SEMA6A: variants seen among roughly 807,000 people sequenced by gnomAD.
SEMA6A encodes semaphorin 6A, also known as semaphorin-6A.
In SEMA6A, 25 loss-of-function variants were observed where a neutral mutation model predicts 96.8. The observed-to-expected ratio is 0.26, with a 90% CI of 0.19 to 0.36. The LOEUF (loss-of-function observed/expected upper bound fraction) is 0.36, where lower values mean the gene tolerates loss of function less well. SEMA6A is among the 10% of genes least tolerant of loss of function. SEMA6A has a pLI of 1.00. For synonymous variants in SEMA6A, 612 were observed against 518.0 expected, an observed-to-expected ratio of 1.18 and a Z score of -2.46; for missense variants, 1,363 against 1,323.1, an observed-to-expected ratio of 1.03 and a Z score of -0.47.
chr5:116,503,529 T>C (rs917079893), intron 2 of SEMA6A, among the ~76,000 whole-genome samples: 13 of 151,924 alleles, frequency 8.6e-5, no homozygotes, highest in African/African-American at 3.1e-4. Flanking sequence ...TTTTTTTTTT[T>C]TGAGACAGAG....
chr5:116,514,545 C>A lies in SEMA6A; in HGVS notation c.-38-9563G>T, dbSNP rs114201910. Reference sequence around the variant, plus strand: ...CGGACATCTGCTTCAGATGCAGAAACAAATGCCTCCTATAATTTGCTGTTA... The same window carrying A: ...CGGACATCTGCTTCAGATGCAGAAAAAAATGCCTCCTATAATTTGCTGTTA... On this transcript the variant is annotated intron_variant, in intron 1 of 18. Coordinates refer to ENST00000343348, the MANE Select transcript of SEMA6A (RefSeq NM_020796.5). Among the ~76,000 whole-genome samples, 724 of 152,204 alleles carry A rather than the reference C, an allele frequency of 4.8e-3. 6 individuals are homozygous for A. Among genetic ancestry groups the A allele is most frequent in the African/African-American group, 0.016 (674 of 41,514 alleles).
intron 1 of SEMA6A, among the ~76,000 whole-genome samples, chr5:116,526,329 A>G (rs1173321996): frequency 6.6e-6 from 1 of 152,064 alleles, no homozygotes; most frequent in African/African-American, 2.4e-5. Flanking sequence ...CCTGATTCCC[A>G]CTGACAACTA....
intron 18 of SEMA6A, among the ~76,000 whole-genome samples, chr5:116,464,448 G>A (rs1261267004): frequency 1.3e-5 from 2 of 152,222 alleles, no homozygotes; most frequent in East Asian, 3.9e-4. Flanking sequence ...GGCAAGGCCA[G>A]TTACTGAGAG....
intron 6 of SEMA6A, among the ~76,000 whole-genome samples, chr5:116,494,518 G>A (rs1176529268): frequency 2.6e-5 from 4 of 152,162 alleles, no homozygotes; most frequent in Non-Finnish European, 5.9e-5. Context: ...AAGACACGGG[G>A]TCATCCTCTG....
chr5:116,500,622 C>T (rs1287715426), intron 3 of SEMA6A, among the ~76,000 whole-genome samples: 1 of 151,830 alleles, frequency 6.6e-6, no homozygotes, highest in Non-Finnish European at 1.5e-5. Flanking sequence ...CTTTATGTTG[C>T]ACAGCTTATC....
At chr5:116,502,098 A>C in intron 3 of SEMA6A, 112 bp downstream of exon 3, 1 of 769,742 alleles carries the variant, frequency 1.3e-6, no homozygotes, top group South Asian at 1.8e-5. Flanking sequence ...TTTAAGTTAA[A>C]TAACACTCTA....
At chr5:116,521,392 C>T (rs1758941454) in intron 1 of SEMA6A, among the ~76,000 whole-genome samples, 1 of 152,204 alleles carries the variant, frequency 6.6e-6, no homozygotes, top group Admixed American at 6.5e-5. Context: ...CTGGGCCAGC[C>T]AGCTGGAGAG....
At chr5:116,507,890 C>G (rs1758223119) in intron 1 of SEMA6A, among the ~76,000 whole-genome samples, 1 of 152,108 alleles carries the variant, frequency 6.6e-6, no homozygotes, top group Non-Finnish European at 1.5e-5. Context: ...CTAATTTGCC[C>G]CAAACCCCCA....
intron 1 of SEMA6A, among the ~76,000 whole-genome samples, chr5:116,514,883 G>A (rs1758593256): frequency 6.6e-6 from 1 of 152,194 alleles, no homozygotes; most frequent in African/African-American, 2.4e-5. Context: ...CTATTCAGTG[G>A]ATGGGCCCCA....
At chr5:116,468,124 G>A (rs1755886247) in intron 17 of SEMA6A, 1 of 180,356 alleles carries the variant, frequency 5.5e-6, no homozygotes, top group Non-Finnish European at 1.2e-5. Context: ...AGGTGCTCAA[G>A]AAAGGCCAGT....
chr5:116,485,287 A>G (rs1324429974), intron 10 of SEMA6A, among the ~76,000 whole-genome samples: 2 of 152,134 alleles, frequency 1.3e-5, no homozygotes, highest in Admixed American at 1.3e-4. Flanking sequence ...ACAAGACAAA[A>G]CAAACAAAAC....
intron 1 of SEMA6A, chr5:116,562,538 G>T (rs1216494261): frequency 7.3e-6 from 4 of 547,262 alleles, no homozygotes; most frequent in Non-Finnish European, 1.4e-5. Context: ...TTTCCGGTGT[G>T]GAGTCTGGAG....
Position 116,486,771 on chromosome 5 carries a change from T to C in SEMA6A, c.940A>G (p.Thr314Ala), listed in dbSNP as rs750274663. ...TACCTGTTATAAGGTGTAGAAAACG[T>C]TGCCAGGACAACATCACGCCCGTTG... ...RINGRDVVLA[T>A]FSTPYNSIPG... The change falls in exon 10 of 19, where the codon ACG becomes GCG. Residue 314 changes from threonine to alanine, a missense_variant. Physicochemically the swap from Thr to Ala is moderately conservative, Grantham distance 58 (BLOSUM62 0). This residue lies in a region of SEMA6A where 480 missense variants were observed against 559.5 expected (regional missense o/e 0.86). Transcript: ENST00000343348. 7 of 1,613,702 alleles carry C rather than the reference T, an allele frequency of 4.3e-6. No individual in the cohort carries two copies. Among genetic ancestry groups the C allele is most frequent in the Non-Finnish European group, 5.9e-6 (7 of 1,179,718 alleles).
intron 17 of SEMA6A, among the ~76,000 whole-genome samples, chr5:116,471,005 T>C (rs1485630298): frequency 6.6e-6 from 1 of 152,204 alleles, no homozygotes; most frequent in East Asian, 1.9e-4. Flanking sequence ...TCTGGGTTTA[T>C]TAACTCCAAA....
At position 116,478,534 on chromosome 5, in the gene SEMA6A, C is replaced by G. The variant is rs780547423; in HGVS notation, c.1427+8G>C. On this transcript the variant is annotated splice_region_variant and intron_variant, in intron 13 of 18. Coordinates refer to ENST00000343348, the MANE Select transcript of SEMA6A (RefSeq NM_020796.5). Reference sequence around the variant, plus strand: ...AATTACTAAGAAAGAACCAAATATTCCACTTACTTTTCAGAGTTGTAAACA... The same window carrying G: ...AATTACTAAGAAAGAACCAAATATTGCACTTACTTTTCAGAGTTGTAAACA... The G allele has an allele frequency of 6.3e-7, 1 of 1,599,330 alleles. No individual in the cohort carries two copies. Among genetic ancestry groups the G allele is most frequent in the Non-Finnish European group, 8.5e-7 (1 of 1,172,884 alleles).
intron 7 of SEMA6A, among the ~76,000 whole-genome samples, chr5:116,489,842 A>G (rs1378907174): frequency 1.3e-5 from 2 of 152,264 alleles, no homozygotes; most frequent in African/African-American, 4.8e-5. Flanking sequence ...CACTCTGCCA[A>G]CAAATAATCA....
chr5:116,486,609 C>CT, intron 10 of SEMA6A, 140 bp downstream of exon 10: 1 of 658,680 alleles, frequency 1.5e-6, no homozygotes, highest in Non-Finnish European at 2.7e-6. Context: ...TTGATGAAAA[C>CT]TAAGTGTTAA....
chr5:116,499,298 C>G (rs1757759159), intron 3 of SEMA6A: 1 of 152,064 alleles, frequency 6.6e-6, no homozygotes. Flanking sequence ...GTCTCATATG[C>G]TGTTCTTCCT....
chr5:116,515,994 G>A (rs747896537), intron 1 of SEMA6A, among the ~76,000 whole-genome samples: 25 of 152,178 alleles, frequency 1.6e-4, no homozygotes, highest in Non-Finnish European at 7.3e-5. Flanking sequence ...TGGTAAGACA[G>A]TCTCAAGATC....
Sources: allele counts gnomAD v4.1 joint callset (sites outside exome capture counted in the v4.1 genomes callset), GRCh38; gene constraint gnomAD v4.1.1; regional missense constraint gnomAD v4.1.1; transcripts MANE v1.5; gene names NCBI Gene and HGNC (gene_info 2026-07-23, HGNC 2026-07-21).